EPHX1: variants seen among roughly 807,000 people sequenced by gnomAD.
The protein encoded by EPHX1 is epoxide hydrolase 1, also known as epoxide hydratase.
Under a neutral mutation model 43.2 loss-of-function variants are expected in EPHX1, and 40 were observed. The ratio of observed to expected loss-of-function variants is 0.93; its 90% CI spans 0.72 to 1.21. The LOEUF is 1.21. EPHX1 is among the 50% of genes most tolerant of loss of function. EPHX1 has a pLI of 0.00. For synonymous variants in EPHX1, 221 were observed against 226.7 expected (o/e 0.98, Z 0.22); for missense variants, 550 against 570.4 (o/e 0.96, Z 0.36).
At chr1:225,835,538 C>T (rs972800630) in intron 3 of EPHX1, among the ~76,000 whole-genome samples, 3 of 151,768 alleles carry the variant, frequency 2.0e-5, no homozygotes, top group Admixed American at 6.6e-5. Flanking sequence ...TACAGGCGCC[C>T]GCCACCATGC....
chr1:225,833,774 G>T (rs867806717), intron 3 of EPHX1, among the ~76,000 whole-genome samples: 4 of 140,120 alleles, frequency 2.9e-5, no homozygotes, highest in Non-Finnish European at 1.5e-5. Flanking sequence ...CAGCCTGGGC[G>T]ACAGAATGAG....
At chr1:225,841,321 T>C in intron 6 of EPHX1, 1 of 152,372 alleles carries the variant, frequency 6.6e-6, no homozygotes, top group South Asian at 2.1e-4. Context: ...CTGGCTCTGT[T>C]GCCCAGGGTA....
intron 1 of EPHX1, among the ~76,000 whole-genome samples, chr1:225,812,492 C>T (rs1332703093): frequency 1.3e-5 from 2 of 152,146 alleles, no homozygotes; most frequent in Non-Finnish European, 2.9e-5. Context: ...GGTGGAGTGA[C>T]TCTCCTGGGG....
chr1:225,843,570 G>A (rs1012049690), intron 7 of EPHX1, among the ~76,000 whole-genome samples: 3 of 152,164 alleles, frequency 2.0e-5, no homozygotes, highest in South Asian at 2.1e-4. Flanking sequence ...CCTTGCACAC[G>A]GATACCTGGA....
At chr1:225,838,081 T>C (rs1021875158) in intron 3 of EPHX1, among the ~76,000 whole-genome samples, 2 of 152,212 alleles carry the variant, frequency 1.3e-5, no homozygotes, top group Admixed American at 1.3e-4. Flanking sequence ...AGATGACTTT[T>C]TATAAAAACT....
rs1227560532 is a variant in EPHX1 at position 225,817,550 on chromosome 1, A to T, written c.-6+7381A>T. Among the ~76,000 whole-genome samples, 4 of 151,912 alleles carry T rather than the reference A, an allele frequency of 2.6e-5. No homozygotes were observed. Among genetic ancestry groups the T allele is most frequent in the African/African-American group, 9.7e-5 (4 of 41,352 alleles). On this transcript the variant is annotated intron_variant, in intron 1 of 8. Transcript: ENST00000272167. This position sits in a 1 kb window ranked among gnomAD's most constrained non-coding sequence, Gnocchi z 5.7. ...GGGACCAGGCCTGCAGAAGCAGCAG[A>T]CCCTCCAAGCCCACCTACCTCTCTG...
chr1:225,838,545 G>A, intron 3 of EPHX1, 109 bp from the exon 4 acceptor site: 2 of 892,762 alleles, frequency 2.2e-6, no homozygotes, highest in Non-Finnish European at 3.5e-6. Context: ...AGGGGCGGCG[G>A]GGGCACTAAG....
chr1:225,822,100 A>C (rs767326077), intron 1 of EPHX1, among the ~76,000 whole-genome samples: 1 of 152,118 alleles, frequency 6.6e-6, no homozygotes, highest in Non-Finnish European at 1.5e-5. Context: ...GCATGCCCAA[A>C]ATTTGACTTC....
intron 3 of EPHX1, among the ~76,000 whole-genome samples, chr1:225,833,133 A>G (rs1429961111): frequency 1.3e-5 from 2 of 152,196 alleles, no homozygotes; most frequent in Admixed American, 6.5e-5. Flanking sequence ...AGCTGGTACT[A>G]TAGGCGAGCA....
chr1:225,828,903 G>A lies in EPHX1; in HGVS notation c.174G>A (p.Glu58=). The change falls in exon 2 of 9, where the codon GAG becomes GAA. Residue 58 remains glutamate, a synonymous_variant. Transcript: ENST00000272167. The part of the protein sequence containing the change: ...IRPFKVETSD[E]EIHDLHQRID... ...CTTTCAAGGTGGAAACGTCAGATGA[G>A]GAGATCCACGTAAGGCACCTTGGGC... 1 of 1,575,578 alleles carries A rather than the reference G, an allele frequency of 6.3e-7. No individual in the cohort carries two copies. The highest frequency in any genetic ancestry group is 8.6e-7 in the Non-Finnish European group (1 of 1,157,960).
At chr1:225,820,687 C>A (rs1288323162) in intron 1 of EPHX1, among the ~76,000 whole-genome samples, 3 of 152,064 alleles carry the variant, frequency 2.0e-5, no homozygotes, top group African/African-American at 7.2e-5. Context: ...TCCCATTCCA[C>A]CATTATTTTT....
chr1:225,829,009 G>A, intron 2 of EPHX1, 97 bp downstream of exon 2: 11 of 1,372,382 alleles, frequency 8.0e-6, no homozygotes, highest in Non-Finnish European at 1.0e-5. Flanking sequence ...GGGGACGGGG[G>A]CTTGGGAATG....
At chr1:225,834,064 C>G (rs1213998725) in intron 3 of EPHX1, among the ~76,000 whole-genome samples, 2 of 141,872 alleles carry the variant, frequency 1.4e-5, no homozygotes, top group Admixed American at 7.3e-5. Flanking sequence ...CGCCACTGCA[C>G]TCCAGCCTGG....
intron 4 of EPHX1, 125 bp from the exon 5 acceptor site, chr1:225,839,092 C>A: frequency 6.6e-7 from 1 of 1,511,472 alleles, no homozygotes; most frequent in Non-Finnish European, 9.0e-7. Context: ...CTTCTTGCCT[C>A]TGTGAGCTTT....
At chr1:225,822,591 C>G (rs1667024674) in intron 1 of EPHX1, among the ~76,000 whole-genome samples, 1 of 152,152 alleles carries the variant, frequency 6.6e-6, no homozygotes, top group Non-Finnish European at 1.5e-5. Context: ...TGAAGAAGTT[C>G]TAATGTTTGC....
At chr1:225,836,887 T>C (rs1488919013) in intron 3 of EPHX1, among the ~76,000 whole-genome samples, 2 of 152,224 alleles carry the variant, frequency 1.3e-5, no homozygotes, top group Non-Finnish European at 2.9e-5. Context: ...CCGTCAGTGT[T>C]GGACACTTAC....
At chr1:225,820,245 T>C (rs1018391284) in intron 1 of EPHX1, among the ~76,000 whole-genome samples, 4 of 152,060 alleles carry the variant, frequency 2.6e-5, no homozygotes, top group Non-Finnish European at 2.9e-5. Context: ...ATTACAGGCA[T>C]GCCCGGCTAA....
In EPHX1 at chr1:225,845,181, T is replaced by A. The variant is rs956491070; in HGVS notation, c.1202T>A (p.Phe401Tyr). The change falls in exon 9 of 9, where the codon TTC becomes TAC. Residue 401 changes from phenylalanine (F) to tyrosine (Y), a missense_variant. By Grantham distance (22) the Phe-to-Tyr change is conservative. Transcript: ENST00000272167. ...TATGTGCCCACTGGCTTCTCTGCCT[T>A]CCCTTTTGAGCTATTGCACACGCCT... ...KVYVPTGFSA[F>Y]PFELLHTPEK... is the part of the protein sequence containing the mutation. 1 of 1,613,964 alleles carries A rather than the reference T, an allele frequency of 6.2e-7. No homozygotes were observed.
intron 3 of EPHX1, 117 bp from the exon 4 acceptor site, chr1:225,838,537 G>T (rs893738038): frequency 1.2e-5 from 10 of 819,976 alleles, no homozygotes; most frequent in South Asian, 6.3e-5. Flanking sequence ...TACCATGAAG[G>T]GGCGGCGGGG....
Sources: gnomAD v4.1 joint callset for allele counts (sites outside exome capture counted in the v4.1 genomes callset) on GRCh38, gnomAD v4.1.1 for gene constraint, Gnocchi (gnomAD v3.1) non-coding constraint, MANE v1.5 for transcripts, NCBI Gene and HGNC (gene_info 2026-07-23, HGNC 2026-07-21) for gene names.